Variants in RBPMS2 observed in about 807,000 individuals in gnomAD.
RBPMS2 encodes the protein RNA binding protein, mRNA processing factor 2, also known as RNA-binding protein with multiple splicing 2.
In RBPMS2, 14 loss-of-function variants were observed where a neutral mutation model predicts 25.7. That is an observed-to-expected ratio of 0.55 (90% CI 0.36 to 0.85). The LOEUF (loss-of-function observed/expected upper bound fraction) is 0.85. RBPMS2 is among the 40% of genes least tolerant of loss of function. The pLI, the probability that RBPMS2 is intolerant of heterozygous loss-of-function variation, is 0.01. For synonymous variants in RBPMS2, 127 were observed against 115.6 expected (o/e 1.10, Z -0.63); for missense variants, 252 against 283.4 (o/e 0.89, Z 0.80).
At chr15:64,757,680 A>C (rs1162561007) in intron 1 of RBPMS2, among the ~76,000 whole-genome samples, 1 of 152,208 alleles carries the variant, frequency 6.6e-6, no homozygotes, top group South Asian at 2.1e-4. Context: ...TTACTTCTCC[A>C]AGGTCCAGCC....
intron 1 of RBPMS2, among the ~76,000 whole-genome samples, chr15:64,760,447 A>G (rs992212339): frequency 2.6e-5 from 4 of 152,198 alleles, no homozygotes; most frequent in African/African-American, 9.6e-5. Flanking sequence ...TGCTTTCAAA[A>G]ACAGTGGTAG....
chr15:64,748,397 T>A (rs752740769), intron 6 of RBPMS2, 22 bp downstream of exon 6: 1 of 1,610,192 alleles, frequency 6.2e-7, no homozygotes, highest in South Asian at 1.1e-5. Flanking sequence ...TTCTTCGCCC[T>A]CCCCAACCTT....
chr15:64,765,720 C>A (rs766969929), intron 1 of RBPMS2, among the ~76,000 whole-genome samples: 27 of 152,064 alleles, frequency 1.8e-4, no homozygotes, highest in Non-Finnish European at 1.9e-4. Context: ...CCGAGGTGGG[C>A]GGATTACGAG....
At chr15:64,773,186 G>C (rs78559175) in intron 1 of RBPMS2, among the ~76,000 whole-genome samples, 2,806 of 152,298 alleles carry the variant, frequency 0.018, 38 homozygotes, top group Middle Eastern at 0.034. Flanking sequence ...TTGCTCTTAG[G>C]GGCTGCAGAA....
In RBPMS2 at chr15:64,748,506, C is replaced by T. The variant is rs1567064088; in HGVS notation, c.480G>A (p.Leu160=). The T allele has an allele frequency of 6.2e-7, 1 of 1,612,602 alleles. No homozygotes were observed. Among genetic ancestry groups the T allele is most frequent in the Non-Finnish European group, 8.5e-7 (1 of 1,179,290 alleles). ...ASPEAWAPYP[L]YTTELTPAIS... is the part of the protein sequence containing the mutation. ...TGGCTGGGGTCAGCTCTGTGGTGTACAAAGGGTAGGGGGCCCAGGCCTCTG... is the reference window on the plus strand; with the variant it reads ...TGGCTGGGGTCAGCTCTGTGGTGTATAAAGGGTAGGGGGCCCAGGCCTCTG... The change falls in exon 6 of 8, where the codon TTG becomes TTA. Residue 160 remains leucine, a synonymous_variant. Transcript: ENST00000300069.
At chr15:64,749,732 G>A (rs1276635343) in intron 3 of RBPMS2, among the ~76,000 whole-genome samples, 10 of 152,172 alleles carry the variant, frequency 6.6e-5, no homozygotes, top group Non-Finnish European at 1.5e-4. Flanking sequence ...TGTGGGAAAT[G>A]ATGCCAACAG....
chr15:64,747,966 G>A (rs1412495094), intron 6 of RBPMS2, among the ~76,000 whole-genome samples: 2 of 150,820 alleles, frequency 1.3e-5, no homozygotes, highest in Non-Finnish European at 2.9e-5. Context: ...ACAACCCTAA[G>A]GCAGATTATC....
At chr15:64,746,142 T>C (rs1792513753) in intron 6 of RBPMS2, among the ~76,000 whole-genome samples, 1 of 152,138 alleles carries the variant, frequency 6.6e-6, no homozygotes, top group South Asian at 2.1e-4. Context: ...AACAACCTGT[T>C]TTACTATTGA....
intron 1 of RBPMS2, among the ~76,000 whole-genome samples, chr15:64,760,276 A>AGC (rs2141069965): frequency 6.6e-6 from 1 of 152,334 alleles, no homozygotes; most frequent in South Asian, 2.1e-4. Context: ...CTTGGTCAGA[A>AGC]GTGGCTGCGG....
intron 1 of RBPMS2, chr15:64,762,248 G>A: frequency 2.6e-5 from 11 of 422,338 alleles, no homozygotes; most frequent in South Asian, 2.0e-4. Flanking sequence ...TGATGCCACG[G>A]TGAATCCTAC....
intron 1 of RBPMS2, 108 bp from the exon 2 acceptor site, chr15:64,751,746 T>C (rs961071265): frequency 9.2e-6 from 8 of 865,114 alleles, no homozygotes; most frequent in Non-Finnish European, 1.3e-5. Context: ...CTTAGAGGAA[T>C]TCAGCCTTTC....
At position 64,740,711 on chromosome 15, in the gene RBPMS2, G is replaced by A. The variant is rs1001560077; in HGVS notation, c.*297C>T. 1.1e-4 allele frequency: 17 copies of A among 158,528 alleles called. No individual in the cohort carries two copies. The highest frequency in any genetic ancestry group is 8.4e-4 in the Admixed American group (14 of 16,584). 9.8% of individuals were successfully genotyped at this position (158,528 alleles called of 1,614,324 possible). ...GGGAGCTACAGAAGCAAGTTTGGGC[G>A]GGAGGTCAGGCCTTGCCAGGTCCCA... On this transcript the variant is annotated 3_prime_UTR_variant, in exon 8 of 8. Coordinates refer to ENST00000300069, the MANE Select transcript of RBPMS2 (RefSeq NM_194272.3).
chr15:64,756,970 ATTT>A (rs567804797), intron 1 of RBPMS2, among the ~76,000 whole-genome samples: 5 of 98,946 alleles, frequency 5.1e-5, no homozygotes, highest in Admixed American at 1.1e-4. Flanking sequence ...GCCCGGCCTC[ATTT>A]TTTTTTTTTT....
chr15:64,749,177 A>G (rs986288075), intron 4 of RBPMS2, 27 bp from the exon 5 acceptor site: 18 of 1,613,434 alleles, frequency 1.1e-5, no homozygotes, highest in Non-Finnish European at 1.5e-5. Flanking sequence ...AAGAAGAGAA[A>G]GGCTTACTCC....
chr15:64,749,562 CA>C (rs899019639), intron 3 of RBPMS2, 69 bp from the exon 4 acceptor site: 3 of 1,332,132 alleles, frequency 2.3e-6, no homozygotes, highest in African/African-American at 1.5e-5. Flanking sequence ...AAAATAACAA[CA>C]AAAAAAGAGT....
At chr15:64,762,520 C>T in intron 1 of RBPMS2, 1 of 534,644 alleles carries the variant, frequency 1.9e-6, no homozygotes. Flanking sequence ...ATCTGGCTTC[C>T]CCAAGGGAAA....
chr15:64,751,195 T>C (rs1483800895), intron 2 of RBPMS2, among the ~76,000 whole-genome samples: 1 of 151,614 alleles, frequency 6.6e-6, no homozygotes, highest in African/African-American at 2.4e-5. Context: ...TAGCCGGGCA[T>C]AATGGCGCAT....
At chr15:64,766,751 G>A (rs968101303) in intron 1 of RBPMS2, among the ~76,000 whole-genome samples, 2 of 151,760 alleles carry the variant, frequency 1.3e-5, no homozygotes, top group Non-Finnish European at 2.9e-5. Flanking sequence ...GGATGGTCTC[G>A]ATCTCCTAAC....
At chr15:64,748,851 GC>G (rs2083645420) in intron 5 of RBPMS2, 148 bp downstream of exon 5, 1 of 886,214 alleles carries the variant, frequency 1.1e-6, no homozygotes, top group African/African-American at 1.7e-5. Context: ...TAGGCAGGCT[GC>G]AGGGGAGGGA....
Sources: allele counts gnomAD v4.1 joint callset (sites outside exome capture counted in the v4.1 genomes callset), GRCh38; gene constraint gnomAD v4.1.1; transcripts MANE v1.5; gene names NCBI Gene and HGNC (gene_info 2026-07-23, HGNC 2026-07-21).